TIMELESS: variants seen among roughly 807,000 people sequenced by gnomAD.
The protein encoded by TIMELESS is protein timeless homolog.
A neutral mutation model predicts 164.3 loss-of-function variants in TIMELESS; 124 were observed. The observed-to-expected ratio is 0.75, with a 90% CI of 0.65 to 0.88. The LOEUF is 0.88. Ranked by LOEUF, TIMELESS falls within the 40% of genes least tolerant of loss-of-function variation. The pLI, the probability that TIMELESS is intolerant of heterozygous loss-of-function variation, is 0.00. For missense variants in TIMELESS, 1,422 were observed against 1,491.4 expected, an observed-to-expected ratio of 0.95 and a Z score of 0.77; for synonymous variants, 564 against 563.4, an observed-to-expected ratio of 1.00 and a Z score of -0.02.
chr12:56,420,048 A>ATATATGTGTGTG (rs1473074484), intron 26 of TIMELESS, among the ~76,000 whole-genome samples: 2 of 87,336 alleles, frequency 2.3e-5, no homozygotes, highest in African/African-American at 1.0e-4. Context: ...ATATATATAT[A>ATATATGTGTGTG]TGTGTGTGTG....
intron 26 of TIMELESS, among the ~76,000 whole-genome samples, 159 bp downstream of exon 26, chr12:56,420,410 G>A (rs1881427072): frequency 6.6e-6 from 1 of 152,076 alleles, no homozygotes; most frequent in Admixed American, 6.6e-5. Flanking sequence ...CTAGCAGAAT[G>A]GCTGCTGCAG....
At chr12:56,446,064 C>G (rs1198291768) in intron 1 of TIMELESS, among the ~76,000 whole-genome samples, 1 of 152,138 alleles carries the variant, frequency 6.6e-6, no homozygotes, top group Non-Finnish European at 1.5e-5. Flanking sequence ...ATCACCACAC[C>G]CTGCTAATTT....
chr12:56,447,839 G>C (rs1442094788), intron 1 of TIMELESS, among the ~76,000 whole-genome samples: 3 of 152,132 alleles, frequency 2.0e-5, no homozygotes, highest in Non-Finnish European at 4.4e-5. Context: ...ATTAAGCTCA[G>C]TCTTCAAAGA....
intron 16 of TIMELESS, 32 bp downstream of exon 16, chr12:56,423,765 G>A: frequency 6.2e-7 from 1 of 1,614,134 alleles, no homozygotes; most frequent in Non-Finnish European, 8.5e-7. Flanking sequence ...AAAAGAGCTG[G>A]AAGGAGACAG....
At position 56,428,552 on chromosome 12, in the gene TIMELESS, T is replaced by C. The variant is rs922734331; in HGVS notation, c.1405A>G (p.Lys469Glu). 2.5e-6 allele frequency: 4 copies of C among 1,613,828 alleles called. No homozygotes were observed. Among genetic ancestry groups the C allele is most frequent in the East Asian group, 4.5e-5 (2 of 44,890 alleles). The change falls in exon 12 of 29, where the codon AAG becomes GAG. Residue 469 changes from lysine (K) to glutamate (E), a missense_variant. Transcript: ENST00000553532. ...GGGGACCAGGCCAGGGCCTCACTCT[T>C]GATGATGCGGCTGCTCTCCCTCACA... Reference protein sequence around the residue: ...EAVRESSRIIKNNIFYVMEYR... With the variant: ...EAVRESSRIIENNIFYVMEYR...
intron 1 of TIMELESS, among the ~76,000 whole-genome samples, chr12:56,434,614 A>G (rs1250406461): frequency 6.6e-6 from 1 of 152,178 alleles, no homozygotes; most frequent in African/African-American, 2.4e-5. Context: ...GCGCATGCCT[A>G]TAATCCCAGC....
At chr12:56,447,138 T>A (rs1490186021) in intron 1 of TIMELESS, among the ~76,000 whole-genome samples, 1 of 149,268 alleles carries the variant, frequency 6.7e-6, no homozygotes, top group African/African-American at 2.5e-5. Context: ...GCCTCCCAAG[T>A]AGCTGGGATT....
intron 1 of TIMELESS, among the ~76,000 whole-genome samples, chr12:56,435,440 C>A (rs969710700): frequency 1.3e-5 from 2 of 152,102 alleles, no homozygotes; most frequent in Non-Finnish European, 2.9e-5. Flanking sequence ...CTCATTGTAA[C>A]CTCAAATTCC....
Position 56,424,814 on chromosome 12 carries a change from A to T in TIMELESS, c.1816T>A (p.Cys606Ser), listed in dbSNP as rs1881620478. The change falls in exon 15 of 29, where the codon TGT becomes AGT. Residue 606 changes from cysteine to serine, a missense_variant. Cys to Ser is a moderately radical substitution (Grantham distance 112, BLOSUM62 -1). Transcript: ENST00000553532. ...RAEAMVRIQD[C>S]LLAGQAPQAL... Reference sequence around the variant, plus strand: ...TGTGGGGCCTGGCCAGCCAGGAGACAGTCTTGGATCCGTACCATAGCTTCT... The same window carrying T: ...TGTGGGGCCTGGCCAGCCAGGAGACTGTCTTGGATCCGTACCATAGCTTCT... 2 of 1,614,102 alleles carry T rather than the reference A, an allele frequency of 1.2e-6. No homozygotes were observed. Among genetic ancestry groups the T allele is most frequent in the Non-Finnish European group, 1.7e-6 (2 of 1,180,054 alleles).
chr12:56,434,157 A>G lies in TIMELESS; in HGVS notation c.14T>C (p.Met5Thr). 2 of 1,614,178 alleles carry G rather than the reference A, an allele frequency of 1.2e-6. No individual in the cohort carries two copies. Among genetic ancestry groups the G allele is most frequent in the Non-Finnish European group, 1.7e-6 (2 of 1,180,002 alleles). ...TGTGGCTAGAAGTTCACAGTTCATC[A>G]TGTGCAAGTCCATACATCAGTGGAC... The part of the protein sequence containing the change: MDLH[M>T]MNCELLATCS... The change falls in exon 2 of 29, where the codon ATG (methionine) becomes ACG (threonine). Residue 5 changes from methionine to threonine, a missense_variant. Met to Thr is a moderately conservative substitution (Grantham distance 81). Transcript: ENST00000553532.
At chr12:56,447,390 C>A (rs1030596459) in intron 1 of TIMELESS, among the ~76,000 whole-genome samples, 1 of 151,956 alleles carries the variant, frequency 6.6e-6, no homozygotes, top group African/African-American at 2.4e-5. Flanking sequence ...TTACGCAGCA[C>A]AATGTAAGTG....
chr12:56,422,822 C>CA, intron 19 of TIMELESS, 25 bp downstream of exon 19: 1 of 1,568,286 alleles, frequency 6.4e-7, no homozygotes, highest in Non-Finnish European at 8.7e-7. Context: ...TACCCCCACC[C>CA]ACCCTTTGCC....
At chr12:56,425,289 C>T in intron 13 of TIMELESS, 137 bp from the exon 14 acceptor site, 1 of 1,067,992 alleles carries the variant, frequency 9.4e-7, no homozygotes. Context: ...TAATAGAAAG[C>T]AATAGTGAAC....
chr12:56,431,331 GCGAC>G, intron 8 of TIMELESS, 136 bp downstream of exon 8: 1 of 1,099,840 alleles, frequency 9.1e-7, no homozygotes, highest in Middle Eastern at 3.1e-4. Context: ...TCCAGCCTGG[GCGAC>G]AAGAGCAAAA....
Position 56,420,803 on chromosome 12 carries a change from G to A in TIMELESS, c.3109+10C>T. On this transcript the variant is annotated intron_variant, in intron 25 of 28. Transcript: ENST00000553532. Reference sequence around the variant, plus strand: ...GGCTCTTCTCCTAAAAGTGTCACCTGTCCACTCACCATCCTCTTCCCGATC... The same window carrying A: ...GGCTCTTCTCCTAAAAGTGTCACCTATCCACTCACCATCCTCTTCCCGATC... 6.2e-7 allele frequency: 1 copy of A among 1,614,146 alleles called. No homozygotes were observed. The highest frequency in any genetic ancestry group is 8.5e-7 in the Non-Finnish European group (1 of 1,180,010).
intron 1 of TIMELESS, among the ~76,000 whole-genome samples, chr12:56,445,717 C>T (rs1045952650): frequency 1.3e-4 from 20 of 150,762 alleles, no homozygotes; most frequent in African/African-American, 4.4e-4. Context: ...GCAACAAGAG[C>T]GAAACTCTGT....
chr12:56,446,254 T>G (rs551645336), intron 1 of TIMELESS, among the ~76,000 whole-genome samples: 5 of 152,162 alleles, frequency 3.3e-5, no homozygotes, highest in Middle Eastern at 3.2e-3. Flanking sequence ...CATATAACAA[T>G]CCTGCTTAGA....
chr12:56,417,633 G>A lies in TIMELESS; in HGVS notation c.*83C>T, dbSNP rs1397746645. ...GCTCTGTCCAGTAAGAGGAGCTTCT[G>A]GGTCCTGTATGACCCTTCCAACTCT... is the stretch of plus-strand genomic sequence containing the variant. On this transcript the variant is annotated 3_prime_UTR_variant, in exon 29 of 29. Transcript: ENST00000553532. 4.4e-6 allele frequency: 6 copies of A among 1,364,690 alleles called. No homozygotes were observed. The highest frequency in any genetic ancestry group is 1.0e-6 in the Non-Finnish European group (1 of 956,048). 84.5% of individuals were successfully genotyped at this position (1,364,690 alleles called of 1,614,324 possible).
At position 56,423,527 on chromosome 12, in the gene TIMELESS, A is replaced by G. The variant is rs545723237; in HGVS notation, c.2091-52T>C. 1.9e-6 allele frequency: 3 copies of G among 1,613,110 alleles called. No individual in the cohort carries two copies. In the African/African-American group the frequency reaches 4.0e-5, roughly 22 times the overall value. Reference sequence around the variant, plus strand: ...TGTCAGCATAAGGAAGACATAGCTCATCCTCACAGCCGCACAATCGCCACT... The same window carrying G: ...TGTCAGCATAAGGAAGACATAGCTCGTCCTCACAGCCGCACAATCGCCACT... On this transcript the variant is annotated intron_variant, in intron 17 of 28. Coordinates refer to ENST00000553532, the MANE Select transcript of TIMELESS (RefSeq NM_003920.5).
Sources: gnomAD v4.1 joint callset for allele counts (sites outside exome capture counted in the v4.1 genomes callset) on GRCh38, gnomAD v4.1.1 for gene constraint, MANE v1.5 for transcripts, NCBI Gene and HGNC (gene_info 2026-07-23, HGNC 2026-07-21) for gene names.